NEMP2: variants seen among roughly 807,000 people sequenced by gnomAD.
NEMP2 encodes the protein UPF0571 transmembrane protein.
In NEMP2, 53 loss-of-function variants were observed where a neutral mutation model predicts 54.2. The ratio of observed to expected loss-of-function variants is 0.98; its 90% CI spans 0.78 to 1.23. The LOEUF (loss-of-function observed/expected upper bound fraction) is 1.23, where lower values mean the gene tolerates loss of function less well. NEMP2 is among the 50% of genes most tolerant of loss of function. NEMP2 has a pLI of 0.00. For synonymous variants in NEMP2, 197 were observed against 190.3 expected, an observed-to-expected ratio of 1.04 and a Z score of -0.29; for missense variants, 455 against 511.3, an observed-to-expected ratio of 0.89 and a Z score of 1.06.
At position 190,531,579 on chromosome 2, in the gene NEMP2, G is replaced by A. The variant is rs1691146430; in HGVS notation, c.97+2980C>T. 6.6e-6 allele frequency among the ~76,000 whole-genome samples: 1 copy of A among 151,856 alleles called. No homozygotes were observed. Among genetic ancestry groups the A allele is most frequent in the South Asian group, 2.1e-4 (1 of 4,810 alleles). ...ATTACCAAAGGATTCAGAAAGTCAG[G>A]GTTCCCTTAACCAATGAGATAGATT... On this transcript the variant is annotated intron_variant, in intron 1 of 8. Transcript: ENST00000409150. This position sits in a 1 kb window ranked among gnomAD's most constrained non-coding sequence, Gnocchi z 4.7.
chr2:190,489,687 T>A, the NEMP2 span: 1 of 1,319,774 alleles, frequency 7.6e-7, no homozygotes, highest in Non-Finnish European at 1.1e-6. The surrounding 1 kb of genome is among the most constrained non-coding windows in gnomAD (Gnocchi z 6.6). Context: ...TTTGCTTTGA[T>A]CTTTAGAAAA....
rs1420078752 is a variant in NEMP2, at chr2:190,527,824, C to A, written c.98-2446G>T. Reference sequence around the variant, plus strand: ...AGCGTGAACCTTACTGTGAACTGAGCAACCTAGGGATCTAGGTTGCATGCT... The same window carrying A: ...AGCGTGAACCTTACTGTGAACTGAGAAACCTAGGGATCTAGGTTGCATGCT... On this transcript the variant is annotated intron_variant, in intron 1 of 8. Transcript: ENST00000409150. The surrounding 1 kb of genome is among the most constrained non-coding windows in gnomAD (Gnocchi z 4.0). 6.6e-6 allele frequency among the ~76,000 whole-genome samples: 1 copy of A among 152,082 alleles called. No individual in the cohort carries two copies. The highest frequency in any genetic ancestry group is 1.5e-5 in the Non-Finnish European group (1 of 68,000).
the NEMP2 span, among the ~76,000 whole-genome samples, chr2:190,483,856 AG>A: frequency 8.0e-5 from 12 of 149,788 alleles, no homozygotes; most frequent in East Asian, 1.6e-3. Flanking sequence ...AAAAAAAAAA[AG>A]TTAACGAAAA....
In NEMP2 at chr2:190,525,193, G is replaced by T; in HGVS notation, c.213+70C>A. ...CAAAAATACTTTCTATTCCTGAAGT[G>T]GTACATTTCCTGTCCCCAGGACATG... On this transcript the variant is annotated intron_variant, in intron 2 of 8. Coordinates refer to ENST00000409150, the MANE Select transcript of NEMP2 (RefSeq NM_001142645.2). The surrounding 1 kb of genome is among the most constrained non-coding windows in gnomAD (Gnocchi z 5.0). 1 of 813,206 alleles carries T rather than the reference G, an allele frequency of 1.2e-6. No homozygotes were observed. Among genetic ancestry groups the T allele is most frequent in the Non-Finnish European group, 2.0e-6 (1 of 501,758 alleles). The allele number at this position is 813,206 out of a possible 1,614,324, so 50.4% of individuals were successfully genotyped here. A position where few individuals can be genotyped will look rare whatever the true frequency, so the allele number is the denominator to read the frequency against.
chr2:190,485,209 G>A, the NEMP2 span, among the ~76,000 whole-genome samples: 1 of 152,104 alleles, frequency 6.6e-6, no homozygotes, highest in African/African-American at 2.4e-5. This position sits in a 1 kb window ranked among gnomAD's most constrained non-coding sequence, Gnocchi z 5.1. Flanking sequence ...CAAACCCTGT[G>A]GTTGGAAGAG....
chr2:190,451,632 C>T, the NEMP2 span, among the ~76,000 whole-genome samples: 2 of 152,132 alleles, frequency 1.3e-5, no homozygotes, highest in Non-Finnish European at 1.5e-5. This position sits in a 1 kb window ranked among gnomAD's most constrained non-coding sequence, Gnocchi z 5.0. Context: ...TGTTTCAGCT[C>T]GGTTAGGCTG....
chr2:190,482,951 G>A, the NEMP2 span, among the ~76,000 whole-genome samples: 1 of 131,928 alleles, frequency 7.6e-6, no homozygotes. Context: ...GACTGCAGTG[G>A]CGCAATCTCG....
chr2:190,489,577 C>T, the NEMP2 span, among the ~76,000 whole-genome samples: 1 of 152,194 alleles, frequency 6.6e-6, no homozygotes, highest in African/African-American at 2.4e-5. The surrounding 1 kb of genome is among the most constrained non-coding windows in gnomAD (Gnocchi z 6.6). Context: ...GATCCAATAT[C>T]AGCCCTGGGT....
the NEMP2 span, among the ~76,000 whole-genome samples, chr2:190,574,357 A>G: frequency 6.6e-6 from 1 of 151,390 alleles, no homozygotes; most frequent in Admixed American, 6.6e-5. Flanking sequence ...TATGAATGGA[A>G]AAAAAAAAGT....
Position 190,523,745 on chromosome 2 carries a change from C to T in NEMP2, c.213+1518G>A, listed in dbSNP as rs1247069894. On this transcript the variant is annotated intron_variant, in intron 2 of 8. Coordinates refer to ENST00000409150, the MANE Select transcript of NEMP2 (RefSeq NM_001142645.2). The surrounding 1 kb of genome is among the most constrained non-coding windows in gnomAD (Gnocchi z 5.3). ...GACACAGGAGCTAGTTTGAAGGGGC[C>T]CTGACTGGCTAAATCTAGGACAATT... is the stretch of plus-strand genomic sequence containing the variant. Among the ~76,000 whole-genome samples, 1 of 152,044 alleles carries T rather than the reference C, an allele frequency of 6.6e-6. No individual in the cohort carries two copies. Among genetic ancestry groups the T allele is most frequent in the Non-Finnish European group, 1.5e-5 (1 of 68,002 alleles).
chr2:190,429,226 A>ATGTG, the NEMP2 span, among the ~76,000 whole-genome samples: 1 of 108,316 alleles, frequency 9.2e-6, no homozygotes, highest in Non-Finnish European at 1.8e-5. Flanking sequence ...TTCTTTTGTT[A>ATGTG]CGTGTGTGTG....
the NEMP2 span, among the ~76,000 whole-genome samples, chr2:190,427,885 C>T: frequency 6.6e-6 from 1 of 152,186 alleles, no homozygotes; most frequent in East Asian, 1.9e-4. Flanking sequence ...GTGCCTGCCA[C>T]CATGCCCAGC....
chr2:190,611,656 C>A, the NEMP2 span, among the ~76,000 whole-genome samples: 1 of 152,214 alleles, frequency 6.6e-6, no homozygotes, highest in Non-Finnish European at 1.5e-5. This position sits in a 1 kb window ranked among gnomAD's most constrained non-coding sequence, Gnocchi z 5.4. Context: ...TTTATTTTAT[C>A]CAACTTAAAA....
chr2:190,527,895 T>C lies in NEMP2; in HGVS notation c.98-2517A>G, dbSNP rs1254676238. ...TGCCTGATGATCTGAGGTGGAACAG[T>C]TTCATCCCAAAACCACCCCAACCCC... On this transcript the variant is annotated intron_variant, in intron 1 of 8. Coordinates refer to ENST00000409150, the MANE Select transcript of NEMP2 (RefSeq NM_001142645.2). The surrounding 1 kb of genome is among the most constrained non-coding windows in gnomAD (Gnocchi z 4.0). Among the ~76,000 whole-genome samples the C allele has an allele frequency of 2.6e-5, 4 of 151,934 alleles. No homozygotes were observed. Among genetic ancestry groups the C allele is most frequent in the African/African-American group, 9.7e-5 (4 of 41,362 alleles).
downstream of NEMP2, chr2:190,500,419 T>A (rs1254816698): frequency 3.3e-6 from 2 of 602,910 alleles, no homozygotes; most frequent in African/African-American, 1.9e-5. This position sits in a 1 kb window ranked among gnomAD's most constrained non-coding sequence, Gnocchi z 5.3. Flanking sequence ...TTTCGTAATC[T>A]CATTGGAATT....
At chr2:190,637,570 C>A in the NEMP2 span, among the ~76,000 whole-genome samples, 1 of 152,192 alleles carries the variant, frequency 6.6e-6, no homozygotes, top group Non-Finnish European at 1.5e-5. This position sits in a 1 kb window ranked among gnomAD's most constrained non-coding sequence, Gnocchi z 4.5. Context: ...GTTTATGCTG[C>A]CTCACTGCCT....
At chr2:190,538,634 CCTGT>C (rs1691452313), upstream of NEMP2, among the ~76,000 whole-genome samples, 6 of 151,718 alleles carry the variant, frequency 4.0e-5, no homozygotes, top group Admixed American at 2.6e-4. The surrounding 1 kb of genome is among the most constrained non-coding windows in gnomAD (Gnocchi z 4.1). Flanking sequence ...TATGTTATTC[CCTGT>C]CTTTTTGATT....
At chr2:190,462,377 A>G in the NEMP2 span, among the ~76,000 whole-genome samples, 4 of 152,338 alleles carry the variant, frequency 2.6e-5, no homozygotes, top group East Asian at 7.7e-4. The surrounding 1 kb of genome is among the most constrained non-coding windows in gnomAD (Gnocchi z 5.7). Context: ...ATCCCACACA[A>G]TAAAGAATTG....
At chr2:190,607,323 G>A in the NEMP2 span, among the ~76,000 whole-genome samples, 1 of 152,284 alleles carries the variant, frequency 6.6e-6, no homozygotes, top group Admixed American at 6.5e-5. This position sits in a 1 kb window ranked among gnomAD's most constrained non-coding sequence, Gnocchi z 5.2. Flanking sequence ...CAAGTGGGTG[G>A]TAAGGAGTGG....
Sources: allele counts gnomAD v4.1 joint callset (sites outside exome capture counted in the v4.1 genomes callset), GRCh38; gene constraint gnomAD v4.1.1; non-coding constraint Gnocchi (gnomAD v3.1); transcripts MANE v1.5; gene names NCBI Gene and HGNC (gene_info 2026-07-23, HGNC 2026-07-21).